HDAC9: variants seen among roughly 807,000 people sequenced by gnomAD.
HDAC9 encodes histone deacetylase 9, also known as MEF-2 interacting transcription repressor (MITR) protein.
In HDAC9, 41 loss-of-function variants were observed where a neutral mutation model predicts 139.4. That is an observed-to-expected ratio of 0.29 (90% CI 0.23 to 0.38). The LOEUF (loss-of-function observed/expected upper bound fraction) is 0.38, where lower values mean the gene tolerates loss of function less well. HDAC9 is among the 10% of genes least tolerant of loss of function. HDAC9 has a pLI of 1.00. For missense variants in HDAC9, 1,147 were observed against 1,297.0 expected, an observed-to-expected ratio of 0.88 and a Z score of 1.78; for synonymous variants, 517 against 476.2, an observed-to-expected ratio of 1.09 and a Z score of -1.12.
chr7:18,789,156 G>A (rs1041002715), intron 16 of HDAC9, among the ~76,000 whole-genome samples: 2 of 151,992 alleles, frequency 1.3e-5, no homozygotes, highest in African/African-American at 2.4e-5. Context: ...CACAAAATCT[G>A]TATTTTTATG....
chr7:18,256,114 C>T (rs991717390), intron 2 of HDAC9, among the ~76,000 whole-genome samples: 2 of 152,024 alleles, frequency 1.3e-5, no homozygotes, highest in Admixed American at 1.3e-4. Context: ...CGTTTGCCCC[C>T]GTTTTTAGGT....
Position 18,426,619 on chromosome 7 carries a change from A to C in HDAC9, c.-41-69643A>C, listed in dbSNP as rs569417967. Reference sequence around the variant, plus strand: ...AGAAAATGACTACCTCAGGCATCTAATAGCCAAAAAGTTTAGTCACACTCA... The same window carrying C: ...AGAAAATGACTACCTCAGGCATCTACTAGCCAAAAAGTTTAGTCACACTCA... On this transcript the variant is annotated intron_variant, in intron 1 of 3. Coordinates refer to the HDAC9 transcript ENST00000413509. Among the ~76,000 whole-genome samples, 11 of 152,316 alleles carry C rather than the reference A, an allele frequency of 7.2e-5. No homozygotes were observed. The South Asian group carries it at 2.1e-3, about 29-fold the overall frequency.
At position 18,304,988 on chromosome 7, in the gene HDAC9, A is replaced by G. The variant is rs900940018; in HGVS notation, c.-42+14473A>G. ...CCCTGATTTTATTGGAATAGGGTAA[A>G]AAGTTTAAGAACTGGAAATTCTAAA... is the stretch of plus-strand genomic sequence containing the variant. On this transcript the variant is annotated intron_variant, in intron 1 of 3. Coordinates refer to the HDAC9 transcript ENST00000413509. Among the ~76,000 whole-genome samples the G allele has an allele frequency of 2.6e-5, 4 of 152,030 alleles. No homozygotes were observed. In the South Asian group the frequency reaches 6.3e-4, roughly 24 times the overall value.
chr7:18,877,094 G>C (rs748907329), intron 22 of HDAC9, among the ~76,000 whole-genome samples: 2 of 152,108 alleles, frequency 1.3e-5, no homozygotes, highest in African/African-American at 2.4e-5. Context: ...ACATTGACTA[G>C]TTTTGTGATA....
intron 22 of HDAC9, among the ~76,000 whole-genome samples, chr7:18,917,459 CAG>C (rs1418900162): frequency 4.8e-5 from 7 of 146,460 alleles, no homozygotes; most frequent in African/African-American, 1.7e-4. Context: ...TGAAAAAAGA[CAG>C]TATCTGATTG....
At chr7:18,275,006 TC>T (rs746419168) in intron 2 of HDAC9, among the ~76,000 whole-genome samples, 4 of 152,192 alleles carry the variant, frequency 2.6e-5, no homozygotes, top group Non-Finnish European at 5.9e-5. Flanking sequence ...AATTTGTATG[TC>T]TAGCCCAGGC....
At chr7:18,203,545 A>G (rs539605004) in intron 2 of HDAC9, among the ~76,000 whole-genome samples, 1 of 152,292 alleles carries the variant, frequency 6.6e-6, no homozygotes, top group Non-Finnish European at 1.5e-5. Flanking sequence ...ATGCATTTAT[A>G]TGTATGTGGT....
intron 2 of HDAC9, among the ~76,000 whole-genome samples, chr7:18,556,589 A>T (rs1034300426): frequency 1.3e-5 from 2 of 151,894 alleles, no homozygotes; most frequent in Admixed American, 6.5e-5. Context: ...AATTAAGTTC[A>T]CTAATTTCTG....
chr7:18,357,691 G>A (rs777886237), intron 1 of HDAC9, among the ~76,000 whole-genome samples: 8 of 152,126 alleles, frequency 5.3e-5, no homozygotes, highest in East Asian at 3.9e-4. Flanking sequence ...AACTTAGGTG[G>A]CCCTACCACA....
chr7:18,110,577 C>T (rs1160493908), intron 1 of HDAC9, among the ~76,000 whole-genome samples: 1 of 152,082 alleles, frequency 6.6e-6, no homozygotes, highest in Non-Finnish European at 1.5e-5. Context: ...GCTGGGAAGC[C>T]AGATGGAGTC....
chr7:18,260,829 A>T (rs1055414000), intron 2 of HDAC9, among the ~76,000 whole-genome samples: 2 of 152,192 alleles, frequency 1.3e-5, no homozygotes, highest in Non-Finnish European at 2.9e-5. Flanking sequence ...GATTTGAGAC[A>T]TTATACTGCT....
chr7:18,839,015 A>G (rs1469529890), intron 21 of HDAC9, among the ~76,000 whole-genome samples: 1 of 152,044 alleles, frequency 6.6e-6, no homozygotes, highest in Non-Finnish European at 1.5e-5. Context: ...TAATAGAATA[A>G]CTAAATTATT....
At chr7:18,170,966 C>T (rs900097957) in intron 2 of HDAC9, among the ~76,000 whole-genome samples, 15 of 152,006 alleles carry the variant, frequency 9.9e-5, no homozygotes, top group Admixed American at 3.9e-4. Context: ...AAAGTAGTTT[C>T]TTCCAATTCT....
intron 1 of HDAC9, among the ~76,000 whole-genome samples, chr7:18,371,986 C>A (rs910582090): frequency 6.6e-6 from 1 of 152,152 alleles, no homozygotes; most frequent in Non-Finnish European, 1.5e-5. Flanking sequence ...CTTAGGGACC[C>A]TTTGGATTAA....
intron 6 of HDAC9, among the ~76,000 whole-genome samples, chr7:18,623,149 A>G (rs75438736): frequency 3.4e-5 from 1 of 29,120 alleles, no homozygotes; most frequent in Non-Finnish European, 9.9e-5. Context: ...GTCTCTGGAA[A>G]AAAAAAAAAA....
At chr7:18,782,805 A>G (rs916722033) in intron 16 of HDAC9, among the ~76,000 whole-genome samples, 1 of 152,092 alleles carries the variant, frequency 6.6e-6, no homozygotes, top group Non-Finnish European at 1.5e-5. Flanking sequence ...AATGCTAACA[A>G]TAATCCTATG....
intron 12 of HDAC9, among the ~76,000 whole-genome samples, chr7:18,704,224 G>C (rs997571629): frequency 7.2e-5 from 11 of 152,228 alleles, no homozygotes; most frequent in African/African-American, 2.7e-4. Context: ...AAAGAAGAAA[G>C]TATCGGATTC....
chr7:18,244,687 A>G (rs934232513), intron 2 of HDAC9, among the ~76,000 whole-genome samples: 8 of 151,962 alleles, frequency 5.3e-5, no homozygotes, highest in Admixed American at 1.3e-4. Context: ...AGTCCCAGCT[A>G]CTCGGGAGCC....
chr7:18,804,728 T>C (rs1424880968), intron 17 of HDAC9, among the ~76,000 whole-genome samples: 1 of 152,228 alleles, frequency 6.6e-6, no homozygotes, highest in Non-Finnish European at 1.5e-5. Flanking sequence ...AGACTGCAAT[T>C]ATCTTACCTA....
Sources: gnomAD v4.1 joint callset for allele counts (sites outside exome capture counted in the v4.1 genomes callset) on GRCh38, gnomAD v4.1.1 for gene constraint, MANE v1.5 for transcripts, NCBI Gene and HGNC (gene_info 2026-07-23, HGNC 2026-07-21) for gene names.